The following RTF1 variants were observed in gnomAD, a reference collection of about 807,000 sequenced individuals.
RTF1 encodes the protein RNA polymerase-associated protein RTF1 homolog.
Under a neutral mutation model 95.7 loss-of-function variants are expected in RTF1, and 10 were observed. That is an observed-to-expected ratio of 0.10 (90% confidence interval 0.06 to 0.18). RTF1 has a LOEUF of 0.18. RTF1 is among the 10% of genes least tolerant of loss of function. RTF1 has a pLI of 1.00. For missense variants in RTF1, 458 were observed against 875.6 expected, an observed-to-expected ratio of 0.52 and a Z score of 6.02; for synonymous variants, 305 against 311.8, an observed-to-expected ratio of 0.98 and a Z score of 0.23.
Position 41,445,758 on chromosome 15 carries a change from CAG to C in RTF1, c.310-7140_310-7139del, listed in dbSNP as rs2050757641. On this transcript the variant is annotated intron_variant, in intron 2 of 17. Coordinates refer to ENST00000389629, the MANE Select transcript of RTF1 (RefSeq NM_015138.5). ...CATTTTTTTTTTTTTTTTTTGGAAACAGAGTCTTGCTCTATCAAGAGGGCTGG... is the reference window on the plus strand; with the variant it reads ...CATTTTTTTTTTTTTTTTTTGGAAACAGTCTTGCTCTATCAAGAGGGCTGG... 3.1e-5 allele frequency among the ~76,000 whole-genome samples: 4 copies of C among 129,536 alleles called. No individual in the cohort carries two copies. In the South Asian group the frequency reaches 7.3e-4, roughly 23 times the overall value. 85.0% of individuals were successfully genotyped at this position (129,536 alleles called of 152,430 possible).
At chr15:41,434,624 CTTTTT>C (rs61546529) in intron 1 of RTF1, among the ~76,000 whole-genome samples, 1 of 141,494 alleles carries the variant, frequency 7.1e-6, no homozygotes, top group African/African-American at 2.6e-5. Flanking sequence ...GTACTAATGT[CTTTTT>C]TTTTTTTTTT....
intron 1 of RTF1, among the ~76,000 whole-genome samples, chr15:41,427,124 G>A (rs368962725): frequency 6.3e-5 from 9 of 143,738 alleles, no homozygotes; most frequent in Admixed American, 2.2e-4. Context: ...ACAGGCATGA[G>A]CCACCATGCC....
chr15:41,453,809 G>C (rs961537563), intron 3 of RTF1, among the ~76,000 whole-genome samples: 2 of 150,806 alleles, frequency 1.3e-5, no homozygotes, highest in African/African-American at 2.4e-5. Flanking sequence ...TCCAGGACTA[G>C]AATGATAACC....
rs568882358 is a variant in RTF1 at position 41,481,582 on chromosome 15, C to T, written c.*895C>T. ...GTCCTGGCAGGTGTGGGAGGGAAGC[C>T]CATGGCCAGGTACCAGGGAGGGCAG... On this transcript the variant is annotated 3_prime_UTR_variant, in exon 18 of 18. Coordinates refer to ENST00000389629, the MANE Select transcript of RTF1 (RefSeq NM_015138.5). The T allele has an allele frequency of 4.6e-5, 7 of 152,532 alleles. No individual in the cohort carries two copies. Among genetic ancestry groups the T allele is most frequent in the Admixed American group, 4.6e-4 (7 of 15,272 alleles). The allele number at this position is 152,532 out of a possible 1,614,324, so 9.4% of individuals were successfully genotyped here.
At chr15:41,475,897 C>T (rs979370831) in intron 11 of RTF1, 78 bp downstream of exon 11, 33 of 711,668 alleles carry the variant, frequency 4.6e-5, no homozygotes, top group Non-Finnish European at 7.5e-5. Flanking sequence ...TTTTATTTCC[C>T]TATATCTTGA....
Position 41,452,964 on chromosome 15 carries a change from A to G in RTF1, c.373A>G (p.Thr125Ala). ...GKARKIEKKG[T>A]MKKQANKTAS... ...AGCCAGAAAAATAGAGAAGAAAGGA[A>G]CCATGAAGAAACAGGCCAACAAAAC... The change falls in exon 3 of 18, where the codon ACC (threonine) becomes GCC (alanine). Residue 125 changes from threonine (T) to alanine (A), a missense_variant. Coordinates refer to ENST00000389629, the MANE Select transcript of RTF1 (RefSeq NM_015138.5). The G allele has an allele frequency of 6.2e-7, 1 of 1,613,274 alleles. No homozygotes were observed.
chr15:41,422,806 C>T (rs377631513), intron 1 of RTF1, among the ~76,000 whole-genome samples: 5 of 152,116 alleles, frequency 3.3e-5, no homozygotes, highest in African/African-American at 1.2e-4. Context: ...GACGGAGTCT[C>T]GCTCTGTCAC....
At chr15:41,451,142 T>G (rs1468940744) in intron 2 of RTF1, among the ~76,000 whole-genome samples, 1 of 152,098 alleles carries the variant, frequency 6.6e-6, no homozygotes, top group African/African-American at 2.4e-5. Flanking sequence ...TATTACCTAT[T>G]GTGAAATAGG....
At chr15:41,430,006 CTTTTCTT>C (rs2050660664) in intron 1 of RTF1, among the ~76,000 whole-genome samples, 2 of 143,032 alleles carry the variant, frequency 1.4e-5, no homozygotes, top group African/African-American at 5.1e-5. Flanking sequence ...TTTATTTTTT[CTTTTCTT>C]TTTTTTTTTT....
chr15:41,466,165 C>T lies in RTF1; in HGVS notation c.802C>T (p.Arg268Cys), dbSNP rs1413154181. The part of the protein sequence containing the change: ...SQVTSHNKER[R>C]SKRDEKLDKK... ...GGTAACATCCCACAACAAGGAACGG[C>T]GTTCCAAGCGGGATGAGAAACTAGA... The change falls in exon 6 of 18, where the codon CGT becomes TGT. Residue 268 changes from arginine (R) to cysteine (C), a missense_variant. Physicochemically the swap from Arg to Cys is radical, Grantham distance 180 (BLOSUM62 -3). This residue lies in a region of RTF1 where 39 missense variants were observed against 43.8 expected (regional missense o/e 0.89). Coordinates refer to ENST00000389629, the MANE Select transcript of RTF1 (RefSeq NM_015138.5). 1.3e-6 allele frequency: 2 copies of T among 1,586,720 alleles called. No individual in the cohort carries two copies. Among genetic ancestry groups the T allele is most frequent in the Non-Finnish European group, 1.7e-6 (2 of 1,167,762 alleles).
intron 2 of RTF1, among the ~76,000 whole-genome samples, chr15:41,443,087 T>A (rs1158009681): frequency 1.3e-5 from 2 of 152,116 alleles, no homozygotes; most frequent in Non-Finnish European, 2.9e-5. Context: ...CAAGAACAAC[T>A]GAGCTAAAAA....
rs1395923183 is a variant in RTF1 at position 41,477,238 on chromosome 15, G to A, written c.1634G>A (p.Arg545Gln). The change falls in exon 13 of 18, where the codon CGG (arginine) becomes CAG (glutamine). Residue 545 changes from arginine to glutamine, a missense_variant. This residue lies in a region of RTF1 where 150 missense variants were observed against 275.7 expected (regional missense o/e 0.54). Coordinates refer to ENST00000389629, the MANE Select transcript of RTF1 (RefSeq NM_015138.5). ...GATCAACTGAATGAGCTGGAGGAAC[G>A]GGCAGAGGCCCTGGACCGCCAGCGG... ...IQDQLNELEE[R>Q]AEALDRQRTK... is the part of the protein sequence containing the mutation. 1.9e-6 allele frequency: 3 copies of A among 1,614,126 alleles called. No individual in the cohort carries two copies. Among genetic ancestry groups the A allele is most frequent in the South Asian group, 1.1e-5 (1 of 91,084 alleles).
intron 1 of RTF1, among the ~76,000 whole-genome samples, chr15:41,434,905 G>A (rs1263488064): frequency 2.6e-5 from 4 of 151,758 alleles, no homozygotes; most frequent in Non-Finnish European, 5.9e-5. Context: ...GGGATTACAG[G>A]CGTGAGCCAC....
chr15:41,463,457 A>G (rs891009250), intron 4 of RTF1, among the ~76,000 whole-genome samples: 1 of 152,102 alleles, frequency 6.6e-6, no homozygotes, highest in Non-Finnish European at 1.5e-5. Flanking sequence ...CTCTTCACTA[A>G]CACTTTAACA....
intron 6 of RTF1, among the ~76,000 whole-genome samples, chr15:41,466,797 T>G (rs1169305312): frequency 6.6e-6 from 1 of 152,262 alleles, no homozygotes; most frequent in Non-Finnish European, 1.5e-5. Flanking sequence ...TTGCCCTGCC[T>G]TGCAGCGTTA....
intron 1 of RTF1, among the ~76,000 whole-genome samples, chr15:41,429,995 T>A (rs866828292): frequency 2.1e-5 from 3 of 141,006 alleles, no homozygotes; most frequent in South Asian, 2.2e-4. Context: ...ATTTAATTTA[T>A]TTTATTTTTT....
chr15:41,442,597 A>G (rs112882365), intron 2 of RTF1, among the ~76,000 whole-genome samples: 105 of 151,778 alleles, frequency 6.9e-4, no homozygotes, highest in African/African-American at 2.1e-3. Context: ...TAAAGTGGCA[A>G]TTCTCGGGCC....
chr15:41,433,664 G>A lies in RTF1; in HGVS notation c.199-4657G>A, dbSNP rs955546252. The stretch of plus-strand genomic sequence containing the variant: ...ATAAATTTACATTAAAGTAATATGG[G>A]AAAAAAGGTAATGGTAAAGACCATA... On this transcript the variant is annotated intron_variant, in intron 1 of 17. Transcript: ENST00000389629. 2.6e-5 allele frequency among the ~76,000 whole-genome samples: 4 copies of A among 151,838 alleles called. No homozygotes were observed. In the South Asian group the frequency reaches 8.3e-4, roughly 32 times the overall value.
At chr15:41,427,412 A>G (rs553283464) in intron 1 of RTF1, among the ~76,000 whole-genome samples, 1 of 152,238 alleles carries the variant, frequency 6.6e-6, no homozygotes, top group African/African-American at 2.4e-5. Flanking sequence ...TGGCCTCCCA[A>G]AGTGCTGGGA....
Sources: gnomAD v4.1 joint callset for allele counts (sites outside exome capture counted in the v4.1 genomes callset) on GRCh38, gnomAD v4.1.1 for gene constraint, gnomAD v4.1.1 regional missense constraint, MANE v1.5 for transcripts, NCBI Gene and HGNC (gene_info 2026-07-23, HGNC 2026-07-21) for gene names.